ME1: variants seen among roughly 807,000 people sequenced by gnomAD.
The protein encoded by ME1 is NADP-dependent malic enzyme.
Under a neutral mutation model 66.4 loss-of-function variants are expected in ME1, and 74 were observed. That is an observed-to-expected ratio of 1.11 (90% CI 0.92 to 1.35). ME1 has a LOEUF of 1.35. Among genes scored for constraint, ME1 ranks in the 40% most tolerant of loss-of-function variants. ME1 has a pLI of 0.00. For missense variants in ME1, 750 were observed against 694.1 expected (o/e 1.08, Z -0.90); for synonymous variants, 251 against 235.6 (o/e 1.07, Z -0.60).
rs1283028224 is a variant in ME1, at chr6:83,359,011, G to A, written c.363-6872C>T. Reference sequence around the variant, plus strand: ...CTTCTCACTTGGAAGGTTGCACAGCGGCCAGGCAGAGGCGCTCCTCACTTC... The same window carrying A: ...CTTCTCACTTGGAAGGTTGCACAGCAGCCAGGCAGAGGCGCTCCTCACTTC... On this transcript the variant is annotated intron_variant, in intron 3 of 13. Transcript: ENST00000369705. Among the ~76,000 whole-genome samples the A allele has an allele frequency of 4.6e-5, 7 of 152,064 alleles. No homozygotes were observed. The East Asian group carries it at 5.8e-4, about 13-fold the overall frequency.
intron 6 of ME1, among the ~76,000 whole-genome samples, chr6:83,282,872 A>C (rs1049979823): frequency 6.6e-6 from 1 of 152,198 alleles, no homozygotes; most frequent in Non-Finnish European, 1.5e-5. Context: ...ATGTCCATCA[A>C]TGATAGACTG....
At chr6:83,364,256 G>C in intron 3 of ME1, among the ~76,000 whole-genome samples, 1 of 152,056 alleles carries the variant, frequency 6.6e-6, no homozygotes, top group East Asian at 1.9e-4. Context: ...CTGCTGTGCT[G>C]GATACTTCCT....
At chr6:83,238,488 C>A (rs1212672372) in intron 8 of ME1, among the ~76,000 whole-genome samples, 1 of 152,014 alleles carries the variant, frequency 6.6e-6, no homozygotes, top group Non-Finnish European at 1.5e-5. Flanking sequence ...TTCATCAAAC[C>A]CTTTGAAAAT....
rs3216577 is a variant in ME1, at chr6:83,221,158, C to CA, written c.1449+2601dup. Reference sequence around the variant, plus strand: ...TTGGCAACAGAGCGAGACTCCGTCTCAAAAAAAAAAGATAATCTACAATTT... The same window carrying CA: ...TTGGCAACAGAGCGAGACTCCGTCTCAAAAAAAAAAAGATAATCTACAATTT... On this transcript the variant is annotated intron_variant, in intron 12 of 13. Transcript: ENST00000369705. Among the ~76,000 whole-genome samples, 153 of 143,310 alleles carry CA rather than the reference C, an allele frequency of 1.1e-3. 2 individuals are homozygous for CA. The highest frequency in any genetic ancestry group is 3.4e-3 in the African/African-American group (129 of 38,294). The allele number at this position is 143,310 out of a possible 152,430, so 94.0% of individuals were successfully genotyped here. A position where few individuals can be genotyped will look rare whatever the true frequency, so the allele number is the denominator to read the frequency against.
intron 7 of ME1, among the ~76,000 whole-genome samples, chr6:83,248,774 T>C (rs1279741250): frequency 2.6e-5 from 4 of 152,186 alleles, no homozygotes; most frequent in African/African-American, 9.7e-5. Context: ...TCCTGAGGCC[T>C]CCTCAGCCAT....
At chr6:83,277,440 A>G (rs1317767728) in intron 6 of ME1, among the ~76,000 whole-genome samples, 1 of 152,244 alleles carries the variant, frequency 6.6e-6, no homozygotes, top group Non-Finnish European at 1.5e-5. Context: ...CACTACAAGT[A>G]TGTTGGCTCT....
intron 6 of ME1, among the ~76,000 whole-genome samples, chr6:83,301,960 G>A (rs888374973): frequency 6.6e-6 from 1 of 152,002 alleles, no homozygotes; most frequent in Non-Finnish European, 1.5e-5. Flanking sequence ...GTACCCAAAA[G>A]AATATAAATC....
intron 6 of ME1, among the ~76,000 whole-genome samples, chr6:83,281,855 GAA>G (rs1301482507): frequency 3.5e-4 from 16 of 45,352 alleles, no homozygotes; most frequent in South Asian, 6.7e-4. Flanking sequence ...ACAAAAAAGA[GAA>G]AAAAAAAAAG....
intron 6 of ME1, among the ~76,000 whole-genome samples, chr6:83,295,754 A>G (rs538951665): frequency 4.1e-4 from 63 of 152,324 alleles, no homozygotes; most frequent in African/African-American, 1.4e-3. Flanking sequence ...GAAAAAATTA[A>G]TAAGATAGGC....
At chr6:83,330,661 C>T (rs1197519331) in intron 5 of ME1, among the ~76,000 whole-genome samples, 3 of 152,132 alleles carry the variant, frequency 2.0e-5, no homozygotes, top group East Asian at 1.9e-4. Flanking sequence ...TTGTTCTATA[C>T]AATCAGTATT....
chr6:83,398,513 A>T lies in ME1; in HGVS notation c.216T>A (p.Tyr72Ter), dbSNP rs776634306. Residue 72 changes from tyrosine (Y) to a stop codon, truncating the protein, a stop_gained, in exon 3 of 14, where the codon TAT becomes TAA. Coordinates refer to ENST00000369705, the MANE Select transcript of ME1 (RefSeq NM_002395.6). LOFTEE classifies it high-confidence loss of function. ...TATCTTGGAGATCCATTAAGAGAAG[A>T]TACCTGTAAAAATTGGACATAATTA... ...FEHLNSDFDR[Y>*]LLLMDLQDRN... 2 of 1,521,574 alleles carry T rather than the reference A, an allele frequency of 1.3e-6. No individual in the cohort carries two copies. The highest frequency in any genetic ancestry group is 1.8e-6 in the Non-Finnish European group (2 of 1,122,264). The allele number at this position is 1,521,574 out of a possible 1,614,324, so 94.3% of individuals were successfully genotyped here.
rs140590867 is a variant in ME1, at chr6:83,426,910, A to G, written c.78+3967T>C. 1.9e-3 allele frequency among the ~76,000 whole-genome samples: 288 copies of G among 152,314 alleles called. 4 individuals are homozygous for G. The highest frequency in any genetic ancestry group is 4.9e-4 in the Non-Finnish European group (33 of 68,020). On this transcript the variant is annotated intron_variant, in intron 1 of 13. Transcript: ENST00000369705. Reference sequence around the variant, plus strand: ...ATAGAACTATCAATTAGTGTTTTCTACCATTGCAAAGGGAAATAAACTAAT... The same window carrying G: ...ATAGAACTATCAATTAGTGTTTTCTGCCATTGCAAAGGGAAATAAACTAAT...
chr6:83,264,935 CA>C (rs1766961635), intron 6 of ME1, among the ~76,000 whole-genome samples: 1 of 152,158 alleles, frequency 6.6e-6, no homozygotes, highest in African/African-American at 2.4e-5. Flanking sequence ...GGATTGACTC[CA>C]ATATTGAAAG....
intron 7 of ME1, among the ~76,000 whole-genome samples, chr6:83,251,611 T>C (rs1204915089): frequency 2.0e-5 from 3 of 151,618 alleles, no homozygotes; most frequent in African/African-American, 7.3e-5. Flanking sequence ...TTCAGAAGGG[T>C]TTAATGATGA....
At chr6:83,234,218 A>C (rs912754160) in intron 9 of ME1, among the ~76,000 whole-genome samples, 5 of 152,174 alleles carry the variant, frequency 3.3e-5, no homozygotes, top group Admixed American at 2.0e-4. Context: ...CAACAAAATA[A>C]AACCACATAG....
At chr6:83,288,397 T>C (rs766237194) in intron 6 of ME1, among the ~76,000 whole-genome samples, 80 of 152,196 alleles carry the variant, frequency 5.3e-4, no homozygotes, top group Admixed American at 2.5e-3. Flanking sequence ...CCCAACACTA[T>C]TTATTAAATA....
intron 6 of ME1, 133 bp downstream of exon 6, chr6:83,315,177 A>G: frequency 1.7e-6 from 1 of 602,026 alleles, no homozygotes; most frequent in South Asian, 2.3e-5. Context: ...TTATGAGGAA[A>G]TAGATAGGAT....
At chr6:83,406,533 C>T (rs6914164) in intron 2 of ME1, among the ~76,000 whole-genome samples, 71,005 of 151,894 alleles carry the variant, frequency 0.47, 18,435 homozygotes, top group African/African-American at 0.69. Context: ...GCCATTTTTA[C>T]GACCTAATCA....
intron 1 of ME1, among the ~76,000 whole-genome samples, chr6:83,423,509 A>G (rs191628196): frequency 1.4e-4 from 20 of 139,988 alleles, no homozygotes; most frequent in Admixed American, 6.7e-4. Flanking sequence ...GTTAAAAACA[A>G]AAGTTAGGGC....
Sources: gnomAD v4.1 joint callset for allele counts (sites outside exome capture counted in the v4.1 genomes callset) on GRCh38, gnomAD v4.1.1 for gene constraint, MANE v1.5 for transcripts, NCBI Gene and HGNC (gene_info 2026-07-23, HGNC 2026-07-21) for gene names.